The following PRKG1 variants were observed in gnomAD, a reference collection of about 807,000 sequenced individuals.
PRKG1 encodes protein kinase cGMP-dependent 1.
A neutral mutation model predicts 88.1 loss-of-function variants in PRKG1; 35 were observed. That is an observed-to-expected ratio of 0.40 (90% CI 0.30 to 0.53). PRKG1 has a LOEUF of 0.53. Among genes scored for constraint, PRKG1 ranks in the 20% least tolerant of loss-of-function variants. The pLI is 0.59. For missense variants in PRKG1, 540 were observed against 839.8 expected (o/e 0.64, Z 4.41); for synonymous variants, 303 against 292.5 (o/e 1.04, Z -0.37).
intron 3 of PRKG1, among the ~76,000 whole-genome samples, chr10:51,785,079 G>A (rs2132570896): frequency 6.7e-6 from 1 of 150,322 alleles, no homozygotes; most frequent in East Asian, 2.0e-4. Context: ...AGATATTTGG[G>A]AACATAACAA....
At chr10:51,006,936 AT>A (rs34941069) in intron 1 of PRKG1, among the ~76,000 whole-genome samples, 67,174 of 116,492 alleles carry the variant, frequency 0.58, 18,509 homozygotes, top group African/African-American at 0.67. Context: ...AGGGCCTGAG[AT>A]TTTTTTTTTT....
chr10:52,130,282 T>C (rs989310946), intron 7 of PRKG1, among the ~76,000 whole-genome samples: 5 of 152,212 alleles, frequency 3.3e-5, no homozygotes, highest in Non-Finnish European at 5.9e-5. Flanking sequence ...GTTAACTATG[T>C]CACTCTTCTG....
chr10:51,991,428 C>T (rs1456936583), intron 5 of PRKG1, among the ~76,000 whole-genome samples: 3 of 151,900 alleles, frequency 2.0e-5, no homozygotes, highest in Non-Finnish European at 4.4e-5. Flanking sequence ...ATGTGCACAA[C>T]GTACTGGTTT....
At chr10:51,793,436 AG>A (rs1432956444) in intron 3 of PRKG1, among the ~76,000 whole-genome samples, 3 of 152,126 alleles carry the variant, frequency 2.0e-5, no homozygotes, top group African/African-American at 7.2e-5. Flanking sequence ...TACAAGTCAT[AG>A]GAGTTGAAGA....
intron 4 of PRKG1, among the ~76,000 whole-genome samples, chr10:51,841,674 G>GT: frequency 6.6e-6 from 1 of 151,928 alleles, no homozygotes; most frequent in Non-Finnish European, 1.5e-5. Flanking sequence ...ACCAAAATAT[G>GT]GTTTTTATGT....
intron 3 of PRKG1, among the ~76,000 whole-genome samples, chr10:51,556,449 C>T (rs1837313293): frequency 6.6e-6 from 1 of 151,586 alleles, no homozygotes; most frequent in Admixed American, 6.6e-5. Context: ...TATTCCTAGG[C>T]ACTAGTCACG....
At chr10:51,389,305 T>A (rs564922756) in intron 2 of PRKG1, among the ~76,000 whole-genome samples, 4 of 152,360 alleles carry the variant, frequency 2.6e-5, no homozygotes, top group African/African-American at 9.6e-5. Context: ...ATAACTTTTT[T>A]ATTCCTTATC....
chr10:52,016,812 A>AT (rs1255570966), intron 5 of PRKG1, among the ~76,000 whole-genome samples: 2 of 152,190 alleles, frequency 1.3e-5, no homozygotes, highest in African/African-American at 2.4e-5. Context: ...TATAATAAAA[A>AT]TTTTTTAAAA....
chr10:51,939,450 T>A (rs1248340296), intron 5 of PRKG1, among the ~76,000 whole-genome samples: 1 of 152,016 alleles, frequency 6.6e-6, no homozygotes, highest in Non-Finnish European at 1.5e-5. Flanking sequence ...AACAGATACA[T>A]ACAAACTCTG....
At position 52,282,080 on chromosome 10, in the gene PRKG1, G is replaced by A. The variant is rs1007796974; in HGVS notation, c.1546-73G>A. Reference sequence around the variant, plus strand: ...TTTAAATTATTATCATCATCAGTGTGCTTCAAAATAACTTATTACTTTAAA... The same window carrying A: ...TTTAAATTATTATCATCATCAGTGTACTTCAAAATAACTTATTACTTTAAA... On this transcript the variant is annotated intron_variant, in intron 13 of 17. Coordinates refer to ENST00000373980, the MANE Select transcript of PRKG1 (RefSeq NM_006258.4). 50 of 1,335,712 alleles carry A rather than the reference G, an allele frequency of 3.7e-5. 1 individual carries two copies. In the Admixed American group the frequency reaches 8.8e-4, roughly 24 times the overall value. 82.7% of individuals were successfully genotyped at this position (1,335,712 alleles called of 1,614,324 possible).
chr10:51,794,439 T>C (rs1838957370), intron 3 of PRKG1, among the ~76,000 whole-genome samples: 1 of 152,136 alleles, frequency 6.6e-6, no homozygotes, highest in Non-Finnish European at 1.5e-5. Context: ...TTAGCATAGA[T>C]TACATGTTAG....
chr10:51,252,490 G>A (rs1839451844), intron 2 of PRKG1, among the ~76,000 whole-genome samples: 1 of 151,484 alleles, frequency 6.6e-6, no homozygotes. Flanking sequence ...TTTCATTTGA[G>A]CAGAGACTTC....
At chr10:51,765,243 C>T (rs1838127960) in intron 3 of PRKG1, among the ~76,000 whole-genome samples, 1 of 152,138 alleles carries the variant, frequency 6.6e-6, no homozygotes, top group African/African-American at 2.4e-5. Context: ...TTTCAGGAAG[C>T]ATGATAGACA....
intron 1 of PRKG1, among the ~76,000 whole-genome samples, chr10:51,102,836 A>G (rs1159849452): frequency 3.3e-5 from 5 of 152,194 alleles, no homozygotes; most frequent in Non-Finnish European, 7.4e-5. Context: ...AGAGAAACAC[A>G]CACACATACA....
chr10:52,099,646 A>G (rs1399439168), intron 7 of PRKG1, among the ~76,000 whole-genome samples: 2 of 152,202 alleles, frequency 1.3e-5, no homozygotes, highest in African/African-American at 2.4e-5. Context: ...TATAAATTCA[A>G]TCTACATCAC....
intron 3 of PRKG1, among the ~76,000 whole-genome samples, chr10:51,639,713 A>C (rs2132295288): frequency 6.6e-6 from 1 of 151,494 alleles, no homozygotes; most frequent in South Asian, 2.1e-4. Context: ...TATTTTATTA[A>C]GAATTAATTA....
rs113444929 is a variant in PRKG1, at chr10:51,728,488, A to G, written c.593-76097A>G. Among the ~76,000 whole-genome samples, 417 of 145,230 alleles carry G rather than the reference A, an allele frequency of 2.9e-3. 6 individuals carry two copies. The highest frequency in any genetic ancestry group is 0.01 in the African/African-American group (401 of 39,124). Reference sequence around the variant, plus strand: ...TTTTTTTTTTTTTTTTTTAATCAGAAGCAAAACCACAAAATCCTCACTCTC... The same window carrying G: ...TTTTTTTTTTTTTTTTTTAATCAGAGGCAAAACCACAAAATCCTCACTCTC... On this transcript the variant is annotated intron_variant, in intron 3 of 17. Transcript: ENST00000373980.
intron 2 of PRKG1, among the ~76,000 whole-genome samples, chr10:51,214,157 G>T (rs1228844261): frequency 6.6e-6 from 1 of 152,074 alleles, no homozygotes; most frequent in Non-Finnish European, 1.5e-5. Context: ...CCCTTTTAAA[G>T]ATATACAATA....
intron 2 of PRKG1, among the ~76,000 whole-genome samples, chr10:51,310,286 C>T (rs907723118): frequency 6.6e-6 from 1 of 152,198 alleles, no homozygotes; most frequent in African/African-American, 2.4e-5. Flanking sequence ...ACACAGCTCT[C>T]ACCTGCTCCA....
Sources: gnomAD v4.1 joint callset for allele counts (sites outside exome capture counted in the v4.1 genomes callset) on GRCh38, gnomAD v4.1.1 for gene constraint, MANE v1.5 for transcripts, NCBI Gene and HGNC (gene_info 2026-07-23, HGNC 2026-07-21) for gene names.